SEMA3A: variants seen among roughly 807,000 people sequenced by gnomAD.
SEMA3A encodes the protein semaphorin 3A.
In SEMA3A, 29 loss-of-function variants were observed where a neutral mutation model predicts 97.9. The ratio of observed to expected loss-of-function variants is 0.30; its 90% CI spans 0.22 to 0.40. The LOEUF (loss-of-function observed/expected upper bound fraction) is 0.40, where lower values mean the gene tolerates loss of function less well. SEMA3A is among the 10% of genes least tolerant of loss of function. The pLI is 1.00. For synonymous variants in SEMA3A, 321 were observed against 323.7 expected (o/e 0.99, Z 0.09); for missense variants, 763 against 951.3 (o/e 0.80, Z 2.60).
chr7:84,062,759 G>C (rs1383213466), intron 4 of SEMA3A, among the ~76,000 whole-genome samples: 2 of 152,220 alleles, frequency 1.3e-5, no homozygotes, highest in African/African-American at 4.8e-5. Flanking sequence ...CACCTGGCTT[G>C]GAGGGTCCTA....
intron 4 of SEMA3A, among the ~76,000 whole-genome samples, chr7:84,100,954 T>C (rs888177983): frequency 2.0e-5 from 3 of 152,214 alleles, no homozygotes; most frequent in African/African-American, 7.2e-5. Context: ...CATTACCTCA[T>C]GCTGATTCTC....
chr7:84,052,042 T>G (rs1034254068), intron 5 of SEMA3A, among the ~76,000 whole-genome samples: 32 of 152,228 alleles, frequency 2.1e-4, no homozygotes, highest in African/African-American at 7.2e-4. Flanking sequence ...GAACCAGCCT[T>G]GCATCCCAGG....
intron 3 of SEMA3A, among the ~76,000 whole-genome samples, chr7:84,301,144 A>G (rs1801007759): frequency 6.6e-6 from 1 of 152,146 alleles, no homozygotes. Flanking sequence ...TAAAACTCTT[A>G]GAAGAAAACA....
At chr7:84,265,541 T>TTA (rs923047200) in intron 3 of SEMA3A, among the ~76,000 whole-genome samples, 1 of 147,802 alleles carries the variant, frequency 6.8e-6, no homozygotes, top group Non-Finnish European at 1.5e-5. Context: ...ATTATATATT[T>TTA]TATATGTTTA....
At position 84,194,482 on chromosome 7, in the gene SEMA3A, G is replaced by A; in HGVS notation, c.105C>T (p.Ser35=). 5 of 1,597,064 alleles carry A rather than the reference G, an allele frequency of 3.1e-6. No homozygotes were observed. Among genetic ancestry groups the A allele is most frequent in the Non-Finnish European group, 4.3e-6 (5 of 1,164,730 alleles). ...AAGAAAAATAAGATTTACCTTTGTA[G>A]GATAATTTCAGCCTTGGCACATTGT... is the stretch of plus-strand genomic sequence containing the variant. ...GKNNVPRLKL[S]YKEMLESNNV... is the part of the protein sequence containing the mutation. The change falls in exon 1 of 17, where the codon TCC becomes TCT. Residue 35 remains serine (S), a synonymous_variant. Coordinates refer to ENST00000265362, the MANE Select transcript of SEMA3A (RefSeq NM_006080.3).
intron 1 of SEMA3A, among the ~76,000 whole-genome samples, chr7:84,170,570 G>C (rs971400200): frequency 5.3e-5 from 8 of 151,930 alleles, no homozygotes; most frequent in Non-Finnish European, 8.8e-5. Flanking sequence ...TATATGGAGA[G>C]AGTTTTCAAA....
chr7:84,431,997 T>C (rs192592773), intron 1 of SEMA3A, among the ~76,000 whole-genome samples: 44 of 152,180 alleles, frequency 2.9e-4, no homozygotes, highest in Non-Finnish European at 4.4e-5. Flanking sequence ...CTATTAATGA[T>C]AATGGAAGTT....
intron 4 of SEMA3A, among the ~76,000 whole-genome samples, chr7:84,062,469 C>T (rs1037698269): frequency 2.0e-5 from 3 of 152,206 alleles, no homozygotes; most frequent in Non-Finnish European, 4.4e-5. Flanking sequence ...GAGTGAGCGA[C>T]GCAGAAGATG....
intron 12 of SEMA3A, among the ~76,000 whole-genome samples, chr7:83,987,117 TTAA>T (rs775579563): frequency 5.4e-4 from 81 of 149,752 alleles, no homozygotes; most frequent in East Asian, 1.2e-3. Context: ...ATAATATATC[TTAA>T]TAATAAATTT....
chr7:84,237,771 C>T (rs905407579), intron 3 of SEMA3A, among the ~76,000 whole-genome samples: 1 of 151,992 alleles, frequency 6.6e-6, no homozygotes, highest in African/African-American at 2.4e-5. Context: ...TAGTTTATGC[C>T]TTTAGTCACT....
intron 6 of SEMA3A, among the ~76,000 whole-genome samples, chr7:84,041,103 G>A (rs1468868503): frequency 4.0e-5 from 6 of 151,748 alleles, no homozygotes; most frequent in East Asian, 1.9e-4. Flanking sequence ...TTAGAAGCCC[G>A]GAAAAAATAA....
intron 1 of SEMA3A, among the ~76,000 whole-genome samples, chr7:84,376,369 A>G (rs556456): frequency 0.43 from 53,865 of 125,590 alleles, 14,717 homozygotes; most frequent in East Asian, 0.79. Flanking sequence ...TTGGGAGGCC[A>G]AGGCGGGCGG....
intron 1 of SEMA3A, chr7:84,371,998 TCTGTC>T (rs1192847310): frequency 6.6e-6 from 1 of 152,066 alleles, no homozygotes; most frequent in Non-Finnish European, 1.5e-5. Flanking sequence ...AAAGCACACT[TCTGTC>T]CTATTGCCAG....
In SEMA3A at chr7:84,328,035, A is replaced by G. The variant is rs577935403; in HGVS notation, c.-168-20743T>C. On this transcript the variant is annotated intron_variant, in intron 2 of 3. Transcript: ENST00000424555. ...AAGGTTAGATTACGATTTCGAGTTT[A>G]TGAATTAAATCTTTATAAGTGCTTC... 2.6e-5 allele frequency among the ~76,000 whole-genome samples: 4 copies of G among 152,162 alleles called. No individual in the cohort carries two copies. The East Asian group carries it at 7.7e-4, about 29-fold the overall frequency.
At chr7:84,410,916 C>T (rs1804247482) in intron 1 of SEMA3A, among the ~76,000 whole-genome samples, 1 of 152,076 alleles carries the variant, frequency 6.6e-6, no homozygotes, top group Non-Finnish European at 1.5e-5. Context: ...ACAGTGACAA[C>T]TATTAGATAG....
rs2115871402 is a variant in SEMA3A at position 84,312,904 on chromosome 7, A to T, written c.-168-5612T>A. Among the ~76,000 whole-genome samples the T allele has an allele frequency of 5.4e-5, 3 of 55,874 alleles. No individual in the cohort carries two copies. The South Asian group carries it at 2.1e-3, about 38-fold the overall frequency. The allele number at this position is 55,874 out of a possible 152,430, so 36.7% of individuals were successfully genotyped here. A position where few individuals can be genotyped will look rare whatever the true frequency, so the allele number is the denominator to read the frequency against. The stretch of plus-strand genomic sequence containing the variant: ...TATATATATATATATATATATATAT[A>T]TATATATATATATATATACACACAC... On this transcript the variant is annotated intron_variant, in intron 2 of 3. Coordinates refer to the SEMA3A transcript ENST00000424555.
intron 1 of SEMA3A, among the ~76,000 whole-genome samples, chr7:84,486,365 C>T (rs754678666): frequency 6.6e-5 from 10 of 152,000 alleles, no homozygotes; most frequent in Non-Finnish European, 1.2e-4. Context: ...TCCAGCCTGG[C>T]GACAGGGCGA....
At chr7:84,460,625 G>T (rs773438776) in intron 1 of SEMA3A, among the ~76,000 whole-genome samples, 4 of 152,180 alleles carry the variant, frequency 2.6e-5, no homozygotes, top group Non-Finnish European at 5.9e-5. Flanking sequence ...CCAGTCCACT[G>T]ATTGTCCATA....
Position 83,963,336 on chromosome 7 carries a change from C to T in SEMA3A, c.1729G>A (p.Gly577Ser). 1 of 1,612,592 alleles carries T rather than the reference C, an allele frequency of 6.2e-7. No individual in the cohort carries two copies. The highest frequency in any genetic ancestry group is 8.5e-7 in the Non-Finnish European group (1 of 1,179,430). The change falls in exon 16 of 17, where the codon GGC becomes AGC. Residue 577 changes from glycine (G) to serine (S), a missense_variant. Physicochemically the swap from Gly to Ser is moderately conservative, Grantham distance 56 (BLOSUM62 0). This residue lies in a region of SEMA3A where 678 missense variants were observed against 881.3 expected (regional missense o/e 0.77). Transcript: ENST00000265362. ...CSDLHHDNHH[G>S]HSPEERIIYG... ...ATGATTCTCTCTTCAGGGCTGTGGC[C>T]ATGGTGATTATCTGGCCAGTGATGA...
Sources: gnomAD v4.1 joint callset for allele counts (sites outside exome capture counted in the v4.1 genomes callset) on GRCh38, gnomAD v4.1.1 for gene constraint, gnomAD v4.1.1 regional missense constraint, MANE v1.5 for transcripts, NCBI Gene and HGNC (gene_info 2026-07-23, HGNC 2026-07-21) for gene names.